Variants in KCND2 observed in about 807,000 individuals in gnomAD.
KCND2 encodes A-type voltage-gated potassium channel KCND2.
A neutral mutation model predicts 54.4 loss-of-function variants in KCND2; 16 were observed. The ratio of observed to expected loss-of-function variants is 0.29; its 90% CI spans 0.20 to 0.45. The LOEUF (loss-of-function observed/expected upper bound fraction) is 0.45, where lower values mean the gene tolerates loss of function less well. Ranked by LOEUF, KCND2 falls within the 20% of genes least tolerant of loss-of-function variation. The pLI, the probability that KCND2 is intolerant of heterozygous loss-of-function variation, is 1.00. For missense variants in KCND2, 486 were observed against 824.2 expected (o/e 0.59, Z 5.02); for synonymous variants, 317 against 310.7 (o/e 1.02, Z -0.21).
rs1793444286 is a variant in KCND2 at position 120,646,530 on chromosome 7, C to T, written c.1116-86373C>T. On this transcript the variant is annotated intron_variant, in intron 1 of 5. Coordinates refer to ENST00000331113, the MANE Select transcript of KCND2 (RefSeq NM_012281.3). Reference sequence around the variant, plus strand: ...ATATTTGCTTTGTATGCTTTCAAATCTGTCATCACCCTTCTTCATGGTTTT... The same window carrying T: ...ATATTTGCTTTGTATGCTTTCAAATTTGTCATCACCCTTCTTCATGGTTTT... 2.0e-5 allele frequency among the ~76,000 whole-genome samples: 3 copies of T among 152,086 alleles called. 1 individual carries two copies. In the South Asian group the frequency reaches 6.2e-4, roughly 31 times the overall value.
intron 1 of KCND2, among the ~76,000 whole-genome samples, chr7:120,597,118 T>C (rs912231391): frequency 6.6e-6 from 1 of 152,168 alleles, no homozygotes. Flanking sequence ...GTTAGGTTAC[T>C]ACAATAATCA....
intron 1 of KCND2, among the ~76,000 whole-genome samples, chr7:120,435,509 G>A (rs1406217207): frequency 1.3e-5 from 2 of 151,654 alleles, no homozygotes; most frequent in Admixed American, 6.6e-5. Flanking sequence ...AAGTAACCAG[G>A]TACAGAATAA....
At chr7:120,528,585 C>T (rs1041195609) in intron 1 of KCND2, among the ~76,000 whole-genome samples, 9 of 152,074 alleles carry the variant, frequency 5.9e-5, no homozygotes, top group Admixed American at 2.6e-4. Context: ...GAGTAACCAG[C>T]AACTTTTAGT....
intron 1 of KCND2, among the ~76,000 whole-genome samples, chr7:120,431,977 A>C (rs1175389379): frequency 1.3e-5 from 2 of 152,202 alleles, no homozygotes; most frequent in Non-Finnish European, 2.9e-5. Context: ...GATGAGTTCT[A>C]ATTCCTAAAA....
At chr7:120,437,562 AG>A (rs1488391983) in intron 1 of KCND2, among the ~76,000 whole-genome samples, 8 of 151,238 alleles carry the variant, frequency 5.3e-5, no homozygotes, top group Admixed American at 5.3e-4. Context: ...TAAAAAAAAA[AG>A]ATACTAAGTG....
At chr7:120,626,657 C>T (rs538242074) in intron 1 of KCND2, among the ~76,000 whole-genome samples, 1 of 152,272 alleles carries the variant, frequency 6.6e-6, no homozygotes, top group African/African-American at 2.4e-5. Context: ...ATAAATGTTA[C>T]AGTAGTCTGC....
At chr7:120,432,242 A>G (rs1446494444) in intron 1 of KCND2, among the ~76,000 whole-genome samples, 2 of 152,208 alleles carry the variant, frequency 1.3e-5, no homozygotes, top group East Asian at 3.9e-4. Context: ...GACATATTCT[A>G]GTGTACTAAT....
intron 1 of KCND2, among the ~76,000 whole-genome samples, chr7:120,710,981 G>A (rs1259596503): frequency 6.6e-6 from 1 of 151,802 alleles, no homozygotes; most frequent in Non-Finnish European, 1.5e-5. Context: ...TTTTTATTCT[G>A]TATACATTGT....
Position 120,675,855 on chromosome 7 carries a change from CTTT to C in KCND2, c.1116-57030_1116-57028del, listed in dbSNP as rs58226731. ...GTGTCTTCCTACTTGTCTTTCTATT[CTTT>C]TTTTTTTTTTTTTTTTTGAGACAGA... On this transcript the variant is annotated intron_variant, in intron 1 of 5. Coordinates refer to ENST00000331113, the MANE Select transcript of KCND2 (RefSeq NM_012281.3). Among the ~76,000 whole-genome samples, 337 of 121,490 alleles carry C rather than the reference CTTT, an allele frequency of 2.8e-3. 1 individual carries two copies. Among genetic ancestry groups the C allele is most frequent in the African/African-American group, 8.9e-3 (274 of 30,812 alleles). The allele number at this position is 121,490 out of a possible 152,430, so 79.7% of individuals were successfully genotyped here.
intron 1 of KCND2, among the ~76,000 whole-genome samples, chr7:120,654,048 A>G (rs1268004792): frequency 2.6e-5 from 4 of 152,232 alleles, no homozygotes; most frequent in African/African-American, 9.6e-5. Flanking sequence ...TCTCTGTATA[A>G]TGTTTCTTGT....
chr7:120,423,215 GA>G (rs1356870034), intron 1 of KCND2, among the ~76,000 whole-genome samples: 1 of 152,182 alleles, frequency 6.6e-6, no homozygotes, highest in African/African-American at 2.4e-5. Context: ...TCCTAAACCA[GA>G]AGGGCATTGA....
intron 1 of KCND2, among the ~76,000 whole-genome samples, chr7:120,672,532 T>C (rs1295541391): frequency 6.6e-6 from 1 of 152,126 alleles, no homozygotes; most frequent in East Asian, 1.9e-4. Flanking sequence ...TGTTAAGTCC[T>C]CTTTCTGCGT....
intron 1 of KCND2, among the ~76,000 whole-genome samples, chr7:120,636,280 G>A (rs1480315032): frequency 1.3e-5 from 2 of 152,084 alleles, no homozygotes; most frequent in African/African-American, 4.8e-5. Context: ...AGCACAGACA[G>A]CAGAGGTGAT....
chr7:120,474,504 A>G (rs1438827404), intron 1 of KCND2, among the ~76,000 whole-genome samples: 1 of 146,022 alleles, frequency 6.8e-6, no homozygotes, highest in African/African-American at 2.6e-5. Context: ...TGCCCAGCTA[A>G]TTTTCTTTTT....
chr7:120,354,777 AAAAGAAAAGAAAAGC>A (rs1265559032), intron 1 of KCND2, among the ~76,000 whole-genome samples: 43 of 152,332 alleles, frequency 2.8e-4, no homozygotes, highest in African/African-American at 9.9e-4. Context: ...AAACAGAAAG[AAAAGAAAAGAAAAGC>A]AAAGAAAAGA....
At chr7:120,389,190 A>G (rs1801037163) in intron 1 of KCND2, among the ~76,000 whole-genome samples, 1 of 151,938 alleles carries the variant, frequency 6.6e-6, no homozygotes, top group Non-Finnish European at 1.5e-5. Flanking sequence ...GGCTTACTGA[A>G]GCCAAAAGGT....
intron 1 of KCND2, among the ~76,000 whole-genome samples, chr7:120,593,809 A>G (rs754973532): frequency 2.0e-4 from 30 of 152,156 alleles, no homozygotes; most frequent in African/African-American, 5.1e-4. Context: ...AAGGAAATCA[A>G]TCCTTTTGCT....
intron 1 of KCND2, among the ~76,000 whole-genome samples, chr7:120,729,424 A>G (rs981429050): frequency 2.1e-4 from 32 of 152,202 alleles, no homozygotes; most frequent in African/African-American, 7.5e-4. Context: ...TGTAAATTGT[A>G]CCAAGGAGTA....
At chr7:120,731,363 T>C (rs1223284124) in intron 1 of KCND2, among the ~76,000 whole-genome samples, 1 of 152,206 alleles carries the variant, frequency 6.6e-6, no homozygotes, top group African/African-American at 2.4e-5. Context: ...ATAAGACTAC[T>C]GTGAATTAGG....
Sources: gnomAD v4.1 joint callset for allele counts (sites outside exome capture counted in the v4.1 genomes callset) on GRCh38, gnomAD v4.1.1 for gene constraint, MANE v1.5 for transcripts, NCBI Gene and HGNC (gene_info 2026-07-23, HGNC 2026-07-21) for gene names.